The following PPP1R16B variants were observed in gnomAD, a reference collection of about 807,000 sequenced individuals.
PPP1R16B encodes protein phosphatase 1 regulatory inhibitor subunit 16B.
PPP1R16B carries 14 observed loss-of-function variants against 61.7 expected under a neutral mutation model. The observed-to-expected ratio is 0.23, with a 90% CI of 0.15 to 0.35. PPP1R16B has a LOEUF of 0.35. Ranked by LOEUF, PPP1R16B falls within the 10% of genes least tolerant of loss-of-function variation. The probability of loss-of-function intolerance (pLI) is 1.00; values close to 1 mark genes in which losing one functional copy is unlikely to be tolerated. For missense variants in PPP1R16B, 547 were observed against 752.5 expected (o/e 0.73, Z 3.19); for synonymous variants, 266 against 305.3 (o/e 0.87, Z 1.34).
chr20:38,907,087 T>C lies in PPP1R16B; in HGVS notation c.898+33T>C. 6.5e-7 allele frequency: 1 copy of C among 1,534,832 alleles called. No individual in the cohort carries two copies. Among genetic ancestry groups the C allele is most frequent in the Non-Finnish European group, 9.0e-7 (1 of 1,107,842 alleles). ...CAGCACAATAGCTGGTGTGCACAAATAGGCAGTTATCAATGTTTTGATGGG... is the reference window on the plus strand; with the variant it reads ...CAGCACAATAGCTGGTGTGCACAAACAGGCAGTTATCAATGTTTTGATGGG... On this transcript the variant is annotated intron_variant, in intron 8 of 10. Coordinates refer to ENST00000299824, the MANE Select transcript of PPP1R16B (RefSeq NM_015568.4). The surrounding 1 kb of genome is among the most constrained non-coding windows in gnomAD (Gnocchi z 4.5).
Position 38,895,614 on chromosome 20 carries a change from G to A in PPP1R16B, c.371G>A (p.Gly124Asp). 6.2e-7 allele frequency: 1 copy of A among 1,613,748 alleles called. No homozygotes were observed. Among genetic ancestry groups the A allele is most frequent in the Non-Finnish European group, 8.5e-7 (1 of 1,179,684 alleles). ...EEIVKLLLSH[G>D]ANVNAKDNEL... ...ATTGTGAAGCTGCTCCTCTCCCATG[G>A]TGCCAATGTGAACGCCAAGGACAAC... Residue 124 changes from glycine (G) to aspartate (D), a missense_variant, in exon 4 of 11, where the codon GGT becomes GAT. Gly to Asp is a moderately conservative substitution (Grantham distance 94). Transcript: ENST00000299824.
At chr20:38,820,280 C>T (rs562203087) in intron 1 of PPP1R16B, among the ~76,000 whole-genome samples, 5 of 152,292 alleles carry the variant, frequency 3.3e-5, no homozygotes, top group South Asian at 2.1e-4. Context: ...AATTGCTGGC[C>T]GGGCGCAGTG....
chr20:38,836,109 AAG>A lies in PPP1R16B; in HGVS notation c.186_187del (p.Lys63SerfsTer28). On this transcript the variant is annotated frameshift_variant, in exon 2 of 11. Transcript: ENST00000299824. LOFTEE classifies it high-confidence loss of function. The part of the protein sequence containing the change: ...ERKRSTGGRR[K>X]KVSFEASVAL... ...GAAGCGCAGCACGGGCGGCCGCCGC[AAG>A]AAAGTGTCCTTCGAGGCCAGCGTGG... The A allele has an allele frequency of 6.2e-7, 1 of 1,612,646 alleles. No homozygotes were observed. The highest frequency in any genetic ancestry group is 8.5e-7 in the Non-Finnish European group (1 of 1,179,910).
At position 38,835,905 on chromosome 20, in the gene PPP1R16B, G is replaced by T. The variant is rs1308298532; in HGVS notation, c.-21G>T. On this transcript the variant is annotated 5_prime_UTR_variant, in exon 2 of 11. Coordinates refer to ENST00000299824, the MANE Select transcript of PPP1R16B (RefSeq NM_015568.4). ...TGCACCGTGCTAGCCCCCAGCCAGG[G>T]CGTTGGGGAGGGCGGTGGCCATGGC... is the stretch of plus-strand genomic sequence containing the variant. 3 of 1,525,752 alleles carry T rather than the reference G, an allele frequency of 2.0e-6. No homozygotes were observed. The highest frequency in any genetic ancestry group is 2.7e-5 in the African/African-American group (2 of 72,754). The allele number at this position is 1,525,752 out of a possible 1,614,324, so 94.5% of individuals were successfully genotyped here.
intron 1 of PPP1R16B, among the ~76,000 whole-genome samples, chr20:38,830,420 G>A (rs371489739): frequency 1.7e-4 from 26 of 152,272 alleles, no homozygotes; most frequent in African/African-American, 5.8e-4. Context: ...AACACTAAAC[G>A]CCATTGTCAT....
intron 2 of PPP1R16B, among the ~76,000 whole-genome samples, chr20:38,867,138 C>A (rs1027633572): frequency 6.6e-6 from 1 of 152,224 alleles, no homozygotes; most frequent in African/African-American, 2.4e-5. Flanking sequence ...CCCCCTGTCC[C>A]CCGCCAACCA....
At chr20:38,848,099 G>A (rs1372460427) in intron 2 of PPP1R16B, among the ~76,000 whole-genome samples, 1 of 152,176 alleles carries the variant, frequency 6.6e-6, no homozygotes, top group African/African-American at 2.4e-5. Context: ...CAATGGCAGA[G>A]TTGAGTTGTA....
chr20:38,881,619 C>T (rs768135792), intron 2 of PPP1R16B, among the ~76,000 whole-genome samples: 2 of 152,174 alleles, frequency 1.3e-5, no homozygotes, highest in East Asian at 1.9e-4. Flanking sequence ...ACAGAGGTGG[C>T]GCTGGACCTC....
At chr20:38,916,411 A>G (rs1319916797) in intron 10 of PPP1R16B, among the ~76,000 whole-genome samples, 1 of 148,706 alleles carries the variant, frequency 6.7e-6, no homozygotes, top group African/African-American at 2.4e-5. Context: ...TATGTTATAT[A>G]TAAATATATG....
At chr20:38,859,107 A>G (rs936823641) in intron 2 of PPP1R16B, among the ~76,000 whole-genome samples, 1 of 152,186 alleles carries the variant, frequency 6.6e-6, no homozygotes, top group African/African-American at 2.4e-5. Context: ...GGAAGGGACC[A>G]AGACCCCACC....
At chr20:38,820,197 G>GT (rs2084763789) in intron 1 of PPP1R16B, among the ~76,000 whole-genome samples, 1 of 152,204 alleles carries the variant, frequency 6.6e-6, no homozygotes, top group Non-Finnish European at 1.5e-5. Flanking sequence ...ATTTTGGGTT[G>GT]TTTATACTTT....
intron 2 of PPP1R16B, among the ~76,000 whole-genome samples, chr20:38,853,188 A>G (rs1328458133): frequency 6.6e-6 from 1 of 152,178 alleles, no homozygotes; most frequent in African/African-American, 2.4e-5. Context: ...CCAAAGCTGG[A>G]GCATCACATG....
chr20:38,851,260 T>G (rs1239117435), intron 2 of PPP1R16B, among the ~76,000 whole-genome samples: 1 of 149,710 alleles, frequency 6.7e-6, no homozygotes, highest in Non-Finnish European at 1.5e-5. Context: ...AGGTCAGGAG[T>G]TCGAGACCAG....
At chr20:38,901,266 C>T (rs1021000079) in intron 5 of PPP1R16B, among the ~76,000 whole-genome samples, 1 of 152,182 alleles carries the variant, frequency 6.6e-6, no homozygotes, top group Non-Finnish European at 1.5e-5. Context: ...CCTGCCCTGG[C>T]CCTGCCCTTG....
intron 2 of PPP1R16B, among the ~76,000 whole-genome samples, chr20:38,866,514 G>A (rs1007209376): frequency 6.6e-6 from 1 of 152,222 alleles, no homozygotes; most frequent in Non-Finnish European, 1.5e-5. Context: ...CTTGTGGCTA[G>A]CCCTTCAGAA....
At position 38,898,015 on chromosome 20, in the gene PPP1R16B, G is replaced by A. The variant is rs144903706; in HGVS notation, c.467+2305G>A. Among the ~76,000 whole-genome samples the A allele has an allele frequency of 3.0e-4, 45 of 152,298 alleles. No homozygotes were observed. In the East Asian group the frequency reaches 7.5e-3, roughly 25 times the overall value. Reference sequence around the variant, plus strand: ...GAGATGAATCCCTTATCAGATAGACGTACTATTTTCTCCCATTCTATAGGA... The same window carrying A: ...GAGATGAATCCCTTATCAGATAGACATACTATTTTCTCCCATTCTATAGGA... On this transcript the variant is annotated intron_variant, in intron 4 of 10. Coordinates refer to ENST00000299824, the MANE Select transcript of PPP1R16B (RefSeq NM_015568.4).
intron 2 of PPP1R16B, among the ~76,000 whole-genome samples, chr20:38,855,409 C>A (rs917499416): frequency 6.6e-6 from 1 of 151,388 alleles, no homozygotes; most frequent in Non-Finnish European, 1.5e-5. Context: ...CCCCAAGTTA[C>A]TTGGCAGCTA....
At chr20:38,809,077 T>A (rs1329985381) in intron 1 of PPP1R16B, among the ~76,000 whole-genome samples, 1 of 151,568 alleles carries the variant, frequency 6.6e-6, no homozygotes, top group Non-Finnish European at 1.5e-5. Context: ...GCATCTGGTG[T>A]GGGTAGGAAT....
chr20:38,809,127 C>A (rs574358603), intron 1 of PPP1R16B, among the ~76,000 whole-genome samples: 2 of 152,064 alleles, frequency 1.3e-5, no homozygotes, highest in East Asian at 3.9e-4. Flanking sequence ...CTATTTCCTC[C>A]TTTGTGTTGG....
Sources: gnomAD v4.1 joint callset for allele counts (sites outside exome capture counted in the v4.1 genomes callset) on GRCh38, gnomAD v4.1.1 for gene constraint, Gnocchi (gnomAD v3.1) non-coding constraint, MANE v1.5 for transcripts, NCBI Gene and HGNC (gene_info 2026-07-23, HGNC 2026-07-21) for gene names.